The following DPYD variants were observed in gnomAD, a reference collection of about 807,000 sequenced individuals.
The protein encoded by DPYD is dihydropyrimidine dehydrogenase [NADP(+)].
DPYD carries 109 observed loss-of-function variants against 116.2 expected under a neutral mutation model. The observed-to-expected ratio is 0.94, with a 90% CI of 0.80 to 1.10. The LOEUF (loss-of-function observed/expected upper bound fraction) is 1.10, where lower values mean the gene tolerates loss of function less well. Among genes scored for constraint, DPYD ranks in the 50% least tolerant of loss-of-function variants. DPYD has a pLI of 0.00. For missense variants in DPYD, 1,302 were observed against 1,254.5 expected, an observed-to-expected ratio of 1.04 and a Z score of -0.57; for synonymous variants, 440 against 432.0, an observed-to-expected ratio of 1.02 and a Z score of -0.23.
chr1:97,508,744 TTG>T (rs1647550033), intron 13 of DPYD, among the ~76,000 whole-genome samples: 1 of 151,924 alleles, frequency 6.6e-6, no homozygotes, highest in Non-Finnish European at 1.5e-5. Context: ...CAAATAGACC[TTG>T]GTTCAAATCC....
intron 14 of DPYD, among the ~76,000 whole-genome samples, chr1:97,449,368 G>A (rs957787840): frequency 2.0e-5 from 3 of 151,858 alleles, no homozygotes; most frequent in Non-Finnish European, 4.4e-5. Context: ...GAGGAGGGAG[G>A]GGAAAAGAGA....
chr1:97,378,184 T>G (rs1289224572), intron 15 of DPYD, among the ~76,000 whole-genome samples: 1 of 152,204 alleles, frequency 6.6e-6, no homozygotes, highest in Non-Finnish European at 1.5e-5. Flanking sequence ...CCACTGGATG[T>G]AAAGTCAGTT....
chr1:97,335,905 C>T (rs947743090), intron 16 of DPYD, among the ~76,000 whole-genome samples: 1 of 152,100 alleles, frequency 6.6e-6, no homozygotes, highest in African/African-American at 2.4e-5. Context: ...CTACCCAGAC[C>T]TCCTTCTCCC....
intron 13 of DPYD, among the ~76,000 whole-genome samples, chr1:97,506,625 A>G (rs1647350881): frequency 6.6e-6 from 1 of 151,920 alleles, no homozygotes; most frequent in African/African-American, 2.4e-5. Context: ...TGTACACGTC[A>G]ATTTATATTA....
chr1:97,173,474 ATGTGTATATATATACACGC>A, intron 20 of DPYD, among the ~76,000 whole-genome samples: 2 of 74,284 alleles, frequency 2.7e-5, no homozygotes, highest in African/African-American at 1.5e-4. Context: ...TACACACATA[ATGTGTATATATATACACGC>A]ATATATAAAA....
chr1:97,130,170 T>C (rs569325122), intron 20 of DPYD, among the ~76,000 whole-genome samples: 116 of 152,326 alleles, frequency 7.6e-4, no homozygotes, highest in African/African-American at 2.7e-3. Flanking sequence ...CTAAATTTTA[T>C]TTCTAGGTGT....
At chr1:97,838,651 C>T (rs1415179645) in intron 2 of DPYD, among the ~76,000 whole-genome samples, 1 of 151,804 alleles carries the variant, frequency 6.6e-6, no homozygotes, top group East Asian at 1.9e-4. Flanking sequence ...CGAGACCATC[C>T]TGGCTAACAA....
intron 14 of DPYD, among the ~76,000 whole-genome samples, chr1:97,439,792 G>A (rs1309441875): frequency 2.0e-5 from 3 of 151,488 alleles, no homozygotes; most frequent in Non-Finnish European, 4.4e-5. Context: ...AGTTTTTAAA[G>A]GTAAAAATGT....
chr1:97,489,112 G>C (rs928895124), intron 13 of DPYD, among the ~76,000 whole-genome samples: 4 of 152,208 alleles, frequency 2.6e-5, no homozygotes, highest in African/African-American at 9.6e-5. Context: ...AAAAAATGTA[G>C]TTGAAGAGAC....
At chr1:97,104,039 T>C (rs1650949988) in intron 20 of DPYD, among the ~76,000 whole-genome samples, 2 of 152,088 alleles carry the variant, frequency 1.3e-5, no homozygotes. Context: ...CCTTTACCGA[T>C]TACCCTCCCT....
intron 16 of DPYD, among the ~76,000 whole-genome samples, chr1:97,335,148 A>C (rs1423766640): frequency 6.6e-6 from 1 of 152,036 alleles, no homozygotes; most frequent in Non-Finnish European, 1.5e-5. Context: ...CTGCTTCCTA[A>C]ATTTAATTAG....
At chr1:97,268,763 C>T (rs116290812) in intron 18 of DPYD, among the ~76,000 whole-genome samples, 1 of 152,092 alleles carries the variant, frequency 6.6e-6, no homozygotes, top group South Asian at 2.1e-4. Context: ...CAATGTCCTA[C>T]CTAACTTGCC....
intron 3 of DPYD, 111 bp from the exon 4 acceptor site, chr1:97,740,590 C>A (rs990329297): frequency 8.5e-6 from 8 of 938,422 alleles, no homozygotes; most frequent in Non-Finnish European, 1.3e-5. Flanking sequence ...AAAATCGTAT[C>A]ATTTTTAGGT....
At position 97,595,047 on chromosome 1, in the gene DPYD, AAT is replaced by A. The variant is rs1654781673; in HGVS notation, c.958+10_958+11del. On this transcript the variant is annotated intron_variant, in intron 9 of 22. Transcript: ENST00000370192. ...ATACTCACTATTAAGCATAAAAGAC[AAT>A]ATGTTATACCTGCTTTACTGCCTTT... 6.3e-7 allele frequency: 1 copy of A among 1,592,084 alleles called. No homozygotes were observed. The highest frequency in any genetic ancestry group is 1.3e-5 in the African/African-American group (1 of 74,560).
intron 4 of DPYD, among the ~76,000 whole-genome samples, chr1:97,723,551 T>C (rs1373991637): frequency 1.3e-5 from 2 of 151,542 alleles, no homozygotes; most frequent in African/African-American, 2.4e-5. Context: ...TTATATTAAG[T>C]AGTTTTTATT....
chr1:97,888,648 T>C (rs1316566851), intron 1 of DPYD, among the ~76,000 whole-genome samples: 1 of 151,546 alleles, frequency 6.6e-6, no homozygotes, highest in African/African-American at 2.4e-5. Flanking sequence ...TAATTCATCA[T>C]GTAAAAATAG....
At chr1:97,183,019 T>A (rs1447605789) in intron 20 of DPYD, among the ~76,000 whole-genome samples, 1 of 152,114 alleles carries the variant, frequency 6.6e-6, no homozygotes. Context: ...TTTTGATGAG[T>A]ATGTTAATTG....
At chr1:97,348,904 C>T (rs868661503) in intron 16 of DPYD, among the ~76,000 whole-genome samples, 15 of 152,258 alleles carry the variant, frequency 9.9e-5, no homozygotes, top group Middle Eastern at 6.8e-3. Context: ...CACTATTCTG[C>T]TTCAGTTCTC....
intron 3 of DPYD, among the ~76,000 whole-genome samples, chr1:97,741,688 A>T (rs2101073198): frequency 6.6e-6 from 1 of 152,274 alleles, no homozygotes; most frequent in Middle Eastern, 3.4e-3. Flanking sequence ...TGAGAATATA[A>T]AAGTGTTGGA....
Sources: gnomAD v4.1 joint callset for allele counts (sites outside exome capture counted in the v4.1 genomes callset) on GRCh38, gnomAD v4.1.1 for gene constraint, MANE v1.5 for transcripts, NCBI Gene and HGNC (gene_info 2026-07-23, HGNC 2026-07-21) for gene names.